BHLHE41: variants seen among roughly 807,000 people sequenced by gnomAD.
BHLHE41 encodes class E basic helix-loop-helix protein 41.
In BHLHE41, 14 loss-of-function variants were observed where a neutral mutation model predicts 24.0. That is an observed-to-expected ratio of 0.58 (90% CI 0.39 to 0.91). BHLHE41 has a LOEUF of 0.91. BHLHE41 is among the 40% of genes least tolerant of loss of function. BHLHE41 has a pLI of 0.00. For missense variants in BHLHE41, 674 were observed against 655.4 expected (o/e 1.03, Z -0.31); for synonymous variants, 394 against 315.5 (o/e 1.25, Z -2.64).
rs777354378 is a variant in BHLHE41 at position 26,122,077 on chromosome 12, C to A, written c.1438G>T (p.Glu480Ter). 2 of 1,549,756 alleles carry A rather than the reference C, an allele frequency of 1.3e-6. No individual in the cohort carries two copies. Among genetic ancestry groups the A allele is most frequent in the East Asian group, 2.4e-5 (1 of 40,830 alleles). Residue 480 changes from glutamate to a stop codon, truncating the protein, a stop_gained, in exon 5 of 5, where the codon GAA becomes TAA. Transcript: ENST00000242728. LOFTEE classifies it high-confidence loss of function. ...CGGGACGCAAGGATTCAGGGAGCTT[C>A]CTTTCCTGGCTGCGAGGGATCTTCC... Reference protein sequence around the residue: ...AQEDPSQPGKEAP With the variant: ...AQEDPSQPGK
Position 26,123,187 on chromosome 12 carries a change from G to A in BHLHE41, c.347-19C>T, listed in dbSNP as rs754102488. On this transcript the variant is annotated intron_variant, in intron 4 of 4. Transcript: ENST00000242728. ...CGCTCCCCTAGGATGAGGAAGGGAT[G>A]GGGGTGGGGGACGGAGGAGTGGAGG... The A allele has an allele frequency of 5.1e-6, 8 of 1,566,314 alleles. No homozygotes were observed. In the South Asian group the frequency reaches 8.4e-5, roughly 16 times the overall value.
At position 26,122,109 on chromosome 12, in the gene BHLHE41, G is replaced by A. The variant is rs2137384532; in HGVS notation, c.1406C>T (p.Ser469Phe). The change falls in exon 5 of 5, where the codon TCT becomes TTT. Residue 469 changes from serine to phenylalanine, a missense_variant. Transcript: ENST00000242728. ...TGGCTGCGAGGGATCTTCCTGAGCA[G>A]AGCTCTCCGGGTTCCCCGGCTCGCG... is the stretch of plus-strand genomic sequence containing the variant. Reference protein sequence around the residue: ...GPREPGNPESSAQEDPSQPGK... With the variant: ...GPREPGNPESFAQEDPSQPGK... 1.3e-6 allele frequency: 2 copies of A among 1,549,672 alleles called. No individual in the cohort carries two copies. Among genetic ancestry groups the A allele is most frequent in the Admixed American group, 2.0e-5 (1 of 50,972 alleles).
chr12:26,121,908 C>G lies in BHLHE41; in HGVS notation c.*158G>C. ...AGGAACTCCGAATGTACACATAACA[C>G]CTGTTTTGTTGTTCTTGTTTATGCC... On this transcript the variant is annotated 3_prime_UTR_variant, in exon 5 of 5. Coordinates refer to ENST00000242728, the MANE Select transcript of BHLHE41 (RefSeq NM_030762.3). 1 of 1,519,948 alleles carries G rather than the reference C, an allele frequency of 6.6e-7. No individual in the cohort carries two copies. The highest frequency in any genetic ancestry group is 1.4e-5 in the African/African-American group (1 of 72,170). 94.2% of individuals were successfully genotyped at this position (1,519,948 alleles called of 1,614,324 possible).
chr12:26,124,212 CAGTA>C (rs1565665600), intron 2 of BHLHE41, 33 bp from the exon 3 acceptor site: 14 of 1,415,404 alleles, frequency 9.9e-6, no homozygotes, highest in Non-Finnish European at 1.4e-5. Flanking sequence ...AAAGAGAAAA[CAGTA>C]AGCGAAACAT....
intron 4 of BHLHE41, 65 bp downstream of exon 4, chr12:26,123,565 G>T: frequency 8.7e-7 from 1 of 1,149,688 alleles, no homozygotes; most frequent in South Asian, 1.2e-5. Flanking sequence ...AGGGAGTCCT[G>T]ACACTGCTCC....
Position 26,120,226 on chromosome 12 carries a change from T to A in BHLHE41, c.*1840A>T, listed in dbSNP as rs1163887771. On this transcript the variant is annotated 3_prime_UTR_variant, in exon 5 of 5. Transcript: ENST00000242728. Reference sequence around the variant, plus strand: ...TATCTTAAAACTAATTGAGCATCCATTATGTCTTTTTTAATTATTAGACAA... The same window carrying A: ...TATCTTAAAACTAATTGAGCATCCAATATGTCTTTTTTAATTATTAGACAA... 1.3e-5 allele frequency: 2 copies of A among 152,636 alleles called. No individual in the cohort carries two copies. The highest frequency in any genetic ancestry group is 2.9e-5 in the Non-Finnish European group (2 of 68,046). 9.5% of individuals were successfully genotyped at this position (152,636 alleles called of 1,614,324 possible). A position where few individuals can be genotyped will look rare whatever the true frequency, so the allele number is the denominator to read the frequency against.
In BHLHE41 at chr12:26,124,944, C is replaced by A. The variant is rs1252779995; in HGVS notation, c.-165G>T. 2.7e-6 allele frequency: 2 copies of A among 733,716 alleles called. No individual in the cohort carries two copies. The highest frequency in any genetic ancestry group is 1.5e-5 in the South Asian group (1 of 67,630). 45.5% of individuals were successfully genotyped at this position (733,716 alleles called of 1,614,324 possible). A position where few individuals can be genotyped will look rare whatever the true frequency, so the allele number is the denominator to read the frequency against. On this transcript the variant is annotated 5_prime_UTR_variant, in exon 1 of 5. Coordinates refer to ENST00000242728, the MANE Select transcript of BHLHE41 (RefSeq NM_030762.3). ...AAAGTGTGAAGCAGTTGGTCCCCCC[C>A]CTCCACCGCGCTCGCACACACACAC...
At position 26,124,943 on chromosome 12, in the gene BHLHE41, C is replaced by T; in HGVS notation, c.-164G>A. On this transcript the variant is annotated 5_prime_UTR_variant, in exon 1 of 5. Transcript: ENST00000242728. ...GAAAGTGTGAAGCAGTTGGTCCCCC[C>T]CCTCCACCGCGCTCGCACACACACA... is the stretch of plus-strand genomic sequence containing the variant. The T allele has an allele frequency of 1.4e-6, 1 of 733,576 alleles. No homozygotes were observed. The highest frequency in any genetic ancestry group is 2.4e-6 in the Non-Finnish European group (1 of 413,904). 45.4% of individuals were successfully genotyped at this position (733,576 alleles called of 1,614,324 possible).
At position 26,124,728 on chromosome 12, in the gene BHLHE41, C is replaced by T. The variant is rs780566154; in HGVS notation, c.52G>A (p.Asp18Asn). The T allele has an allele frequency of 1.2e-6, 2 of 1,614,234 alleles. No homozygotes were observed. Among genetic ancestry groups the T allele is most frequent in the Non-Finnish European group, 1.7e-6 (2 of 1,180,036 alleles). The change falls in exon 1 of 5, where the codon GAT becomes AAT. Residue 18 changes from aspartate (D) to asparagine (N), a missense_variant. Physicochemically the swap from Asp to Asn is conservative, Grantham distance 23. Transcript: ENST00000242728. Reference protein sequence around the residue: ...LQERQLLEHRDFIGLDYSSLY... With the variant: ...LQERQLLEHRNFIGLDYSSLY... ...GTGCGTGCACCTTACCCTATAAAATCTCTATGTTCCAGTAACTGTCTCTCT... is the reference window on the plus strand; with the variant it reads ...GTGCGTGCACCTTACCCTATAAAATTTCTATGTTCCAGTAACTGTCTCTCT...
Position 26,121,694 on chromosome 12 carries a change from C to G in BHLHE41, c.*372G>C, listed in dbSNP as rs141237878. ...ACCTAGCTCAGCCACAGAACAGACC[C>G]TTCTTACTTCCTCTCGAATTAGGTT... On this transcript the variant is annotated 3_prime_UTR_variant, in exon 5 of 5. Transcript: ENST00000242728. 2.1e-4 allele frequency: 62 copies of G among 293,048 alleles called. No homozygotes were observed. The East Asian group carries it at 5.4e-3, about 25-fold the overall frequency. The allele number at this position is 293,048 out of a possible 1,614,324, so 18.2% of individuals were successfully genotyped here. A position where few individuals can be genotyped will look rare whatever the true frequency, so the allele number is the denominator to read the frequency against.
rs2137383737 is a variant in BHLHE41 at position 26,121,530 on chromosome 12, G to T, written c.*536C>A. ...GAAGAGTAAATTCAATTCTAAAAGA[G>T]CCTCAATCTGTTTGTGGAACGCCTC... On this transcript the variant is annotated 3_prime_UTR_variant, in exon 5 of 5. Coordinates refer to ENST00000242728, the MANE Select transcript of BHLHE41 (RefSeq NM_030762.3). 6.5e-6 allele frequency: 1 copy of T among 153,456 alleles called. No individual in the cohort carries two copies. 9.5% of individuals were successfully genotyped at this position (153,456 alleles called of 1,614,324 possible).
chr12:26,124,937 TC>T lies in BHLHE41; in HGVS notation c.-159del, dbSNP rs200202440. 574 of 751,450 alleles carry T rather than the reference TC, an allele frequency of 7.6e-4. 2 individuals are homozygous for T. The East Asian group carries it at 0.011, about 14-fold the overall frequency. The allele number at this position is 751,450 out of a possible 1,614,324, so 46.5% of individuals were successfully genotyped here. On this transcript the variant is annotated 5_prime_UTR_variant, in exon 1 of 5. Coordinates refer to ENST00000242728, the MANE Select transcript of BHLHE41 (RefSeq NM_030762.3). ...AGTGTTGAAAGTGTGAAGCAGTTGG[TC>T]CCCCCCCTCCACCGCGCTCGCACAC... is the stretch of plus-strand genomic sequence containing the variant.
At position 26,124,911 on chromosome 12, in the gene BHLHE41, C is replaced by T; in HGVS notation, c.-132G>A. ...TCTCTCTCGCTCTCCCTCTTCAGTG[C>T]AGTGTTGAAAGTGTGAAGCAGTTGG... On this transcript the variant is annotated 5_prime_UTR_variant, in exon 1 of 5. Coordinates refer to ENST00000242728, the MANE Select transcript of BHLHE41 (RefSeq NM_030762.3). 2.1e-6 allele frequency: 2 copies of T among 931,630 alleles called. No individual in the cohort carries two copies. Among genetic ancestry groups the T allele is most frequent in the Non-Finnish European group, 3.5e-6 (2 of 574,292 alleles). The allele number at this position is 931,630 out of a possible 1,614,324, so 57.7% of individuals were successfully genotyped here. A position where few individuals can be genotyped will look rare whatever the true frequency, so the allele number is the denominator to read the frequency against.
rs371168594 is a variant in BHLHE41 at position 26,123,142 on chromosome 12, G to C, written c.373C>G (p.Gln125Glu). The change falls in exon 5 of 5, where the codon CAG (glutamine) becomes GAG (glutamate). Residue 125 changes from glutamine to glutamate, a missense_variant. Coordinates refer to ENST00000242728, the MANE Select transcript of BHLHE41 (RefSeq NM_030762.3). The part of the protein sequence containing the change: ...NGERSLKSPI[Q>E]SDLDAFHSGF... ...GAGTGGAACGCATCCAAGTCGGACT[G>C]AATGGGCGATTTCAGAGATCGCTCC... The C allele has an allele frequency of 3.2e-5, 52 of 1,601,204 alleles. No homozygotes were observed. Among genetic ancestry groups the C allele is most frequent in the Admixed American group, 2.4e-4 (14 of 59,410 alleles).
chr12:26,120,728 A>G lies in BHLHE41; in HGVS notation c.*1338T>C, dbSNP rs1436572481. 1 of 152,650 alleles carries G rather than the reference A, an allele frequency of 6.6e-6. No individual in the cohort carries two copies. Among genetic ancestry groups the G allele is most frequent in the African/African-American group, 2.4e-5 (1 of 41,448 alleles). The allele number at this position is 152,650 out of a possible 1,614,324, so 9.5% of individuals were successfully genotyped here. Reference sequence around the variant, plus strand: ...GCACCAAACTGACGAAAAGACCCAGATATTTTCCTCACTCATAGTCAGACT... The same window carrying G: ...GCACCAAACTGACGAAAAGACCCAGGTATTTTCCTCACTCATAGTCAGACT... On this transcript the variant is annotated 3_prime_UTR_variant, in exon 5 of 5. Transcript: ENST00000242728.
chr12:26,122,302 C>T lies in BHLHE41; in HGVS notation c.1213G>A (p.Ala405Thr), dbSNP rs1382442278. ...GGGAACGCGGCGGCGGCGGCGGCAG[C>T]GGCGGCGGCGGCTGCCGCGGCTGCC... ...PAAAAAAAAA[A>T]AAAAAAFPCL... Residue 405 changes from alanine (A) to threonine (T), a missense_variant, in exon 5 of 5, where the codon GCT (alanine) becomes ACT (threonine). By Grantham distance (58) the Ala-to-Thr change is moderately conservative. Transcript: ENST00000242728. 7 of 1,162,786 alleles carry T rather than the reference C, an allele frequency of 6.0e-6. No homozygotes were observed. Among genetic ancestry groups the T allele is most frequent in the East Asian group, 4.0e-5 (1 of 25,276 alleles). 72.0% of individuals were successfully genotyped at this position (1,162,786 alleles called of 1,614,324 possible). A position where few individuals can be genotyped will look rare whatever the true frequency, so the allele number is the denominator to read the frequency against.
rs1037877138 is a variant in BHLHE41 at position 26,123,077 on chromosome 12, G to A, written c.438C>T (p.Leu146=). 5 of 1,599,156 alleles carry A rather than the reference G, an allele frequency of 3.1e-6. No individual in the cohort carries two copies. In the African/African-American group the frequency reaches 6.7e-5, roughly 21 times the overall value. Residue 146 remains leucine, a synonymous_variant, in exon 5 of 5, where the codon CTC becomes CTT. Transcript: ENST00000242728. The part of the protein sequence containing the change: ...QTCAKEVLQY[L]SRFESWTPRE... ...TGGGTGTCCAGCTCTCAAACCGGGA[G>A]AGGTATTGCAAGACTTCTTTGGCGC...
Position 26,122,624 on chromosome 12 carries a change from C to A in BHLHE41, c.891G>T (p.Ala297=). 1.7e-6 allele frequency: 2 copies of A among 1,185,540 alleles called. No homozygotes were observed. Among genetic ancestry groups the A allele is most frequent in the Non-Finnish European group, 2.1e-6 (2 of 959,598 alleles). The allele number at this position is 1,185,540 out of a possible 1,614,324, so 73.4% of individuals were successfully genotyped here. A position where few individuals can be genotyped will look rare whatever the true frequency, so the allele number is the denominator to read the frequency against. The change falls in exon 5 of 5, where the codon GCG becomes GCT. Residue 297 remains alanine, a synonymous_variant. Coordinates refer to ENST00000242728, the MANE Select transcript of BHLHE41 (RefSeq NM_030762.3). ...GGSGGGPGGG[A]AAAAAALLGP... is the part of the protein sequence containing the mutation. ...CCAGAAGCGCGGCTGCCGCCGCCGC[C>A]GCGCCGCCCCCCGGGCCGCCGCCGC...
Position 26,121,757 on chromosome 12 carries a change from G to A in BHLHE41, c.*309C>T, listed in dbSNP as rs1279888184. On this transcript the variant is annotated 3_prime_UTR_variant, in exon 5 of 5. Transcript: ENST00000242728. The stretch of plus-strand genomic sequence containing the variant: ...GATAATGGAACATGGCCTAAAAGGG[G>A]GCAAAATTTATTTGGGGGATTAAAA... The A allele has an allele frequency of 1.1e-5, 5 of 443,600 alleles. No homozygotes were observed. The highest frequency in any genetic ancestry group is 7.3e-4 in the Middle Eastern group (1 of 1,364). The allele number at this position is 443,600 out of a possible 1,614,324, so 27.5% of individuals were successfully genotyped here. A position where few individuals can be genotyped will look rare whatever the true frequency, so the allele number is the denominator to read the frequency against.
Sources: gnomAD v4.1 joint callset for allele counts on GRCh38, gnomAD v4.1.1 for gene constraint, MANE v1.5 for transcripts, NCBI Gene and HGNC (gene_info 2026-07-23, HGNC 2026-07-21) for gene names.